The following CSMD3 variants were observed in gnomAD, a reference collection of about 807,000 sequenced individuals.
CSMD3 encodes CUB and Sushi multiple domains 3, also known as CUB and sushi domain-containing protein 3.
CSMD3 carries 177 observed loss-of-function variants against 435.2 expected under a neutral mutation model. The ratio of observed to expected loss-of-function variants is 0.41; its 90% CI spans 0.36 to 0.46. The LOEUF (loss-of-function observed/expected upper bound fraction) is 0.46. Among genes scored for constraint, CSMD3 ranks in the 20% least tolerant of loss-of-function variants. The probability of loss-of-function intolerance (pLI) is 0.34; values close to 1 mark genes in which losing one functional copy is unlikely to be tolerated. For synonymous variants in CSMD3, 1,656 were observed against 1,520.5 expected, an observed-to-expected ratio of 1.09 and a Z score of -2.07; for missense variants, 4,265 against 4,504.6, an observed-to-expected ratio of 0.95 and a Z score of 1.52.
chr8:112,522,209 C>T (rs1047678246), intron 27 of CSMD3, among the ~76,000 whole-genome samples: 1 of 151,708 alleles, frequency 6.6e-6, no homozygotes, highest in African/African-American at 2.4e-5. Context: ...ATTCTCATTA[C>T]CCCGAATGTG....
chr8:113,419,148 T>A (rs1173231617), intron 1 of CSMD3, among the ~76,000 whole-genome samples: 1 of 146,942 alleles, frequency 6.8e-6, no homozygotes, highest in East Asian at 2.0e-4. Flanking sequence ...TTTGACAGGG[T>A]CTCACTGTCG....
chr8:112,223,245 T>G lies in CSMD3; in HGVS notation c.*1526A>C, dbSNP rs868576141. The G allele has an allele frequency of 9.0e-5, 35 of 387,916 alleles. No homozygotes were observed. In the East Asian group the frequency reaches 1.2e-3, roughly 13 times the overall value. The allele number at this position is 387,916 out of a possible 1,614,324, so 24.0% of individuals were successfully genotyped here. On this transcript the variant is annotated 3_prime_UTR_variant, in exon 71 of 71. Coordinates refer to ENST00000297405, the MANE Select transcript of CSMD3 (RefSeq NM_198123.2). ...AAAATTGTATGAATTTCCAAAACAA[T>G]GTATCTCAAAGTGGTTTACAAGAAA...
intron 2 of CSMD3, among the ~76,000 whole-genome samples, chr8:113,287,184 G>A (rs180893118): frequency 2.0e-5 from 3 of 151,898 alleles, no homozygotes; most frequent in Admixed American, 6.6e-5. Flanking sequence ...TATATAATAC[G>A]ACCAGCATAA....
intron 4 of CSMD3, among the ~76,000 whole-genome samples, chr8:113,161,251 A>G (rs1025237931): frequency 1.3e-5 from 2 of 152,148 alleles, no homozygotes; most frequent in African/African-American, 4.8e-5. Flanking sequence ...AAGAAGAATT[A>G]CCATCATTGG....
chr8:113,066,061 G>A (rs1464514721), intron 5 of CSMD3, among the ~76,000 whole-genome samples: 34 of 145,182 alleles, frequency 2.3e-4, no homozygotes, highest in African/African-American at 8.1e-4. Flanking sequence ...TCTGAGAGGT[G>A]TGCACAATAA....
intron 6 of CSMD3, 32 bp from the exon 7 acceptor site, chr8:112,976,180 T>G (rs374567927): frequency 4.3e-6 from 7 of 1,610,252 alleles, no homozygotes; most frequent in Non-Finnish European, 5.9e-6. Context: ...GATGCTAACT[T>G]TTTCTTTTTA....
intron 5 of CSMD3, among the ~76,000 whole-genome samples, chr8:113,045,771 AGCACG>A (rs2131304980): frequency 6.7e-6 from 1 of 149,564 alleles, no homozygotes; most frequent in South Asian, 2.1e-4. Context: ...GTGCCTCACC[AGCACG>A]AAACTCGGCA....
intron 1 of CSMD3, among the ~76,000 whole-genome samples, chr8:113,315,508 C>A (rs943190222): frequency 2.0e-5 from 3 of 151,484 alleles, no homozygotes; most frequent in Non-Finnish European, 4.4e-5. Flanking sequence ...GTCTAAGTTA[C>A]TGAGAGCATG....
At chr8:112,738,084 G>C (rs561757237) in intron 13 of CSMD3, among the ~76,000 whole-genome samples, 1 of 151,890 alleles carries the variant, frequency 6.6e-6, no homozygotes, top group East Asian at 1.9e-4. Flanking sequence ...CCTGACGTTG[G>C]TTTATAGATT....
At chr8:112,780,617 G>A (rs554715317) in intron 13 of CSMD3, among the ~76,000 whole-genome samples, 16 of 152,026 alleles carry the variant, frequency 1.1e-4, no homozygotes, top group Admixed American at 2.6e-4. Context: ...CTCCCACATC[G>A]TCCAGCAGCA....
chr8:112,416,956 AAG>A (rs1811979345), intron 32 of CSMD3, among the ~76,000 whole-genome samples: 8 of 152,112 alleles, frequency 5.3e-5, no homozygotes, highest in Admixed American at 5.2e-4. Context: ...TTTGATATAA[AAG>A]TCTTCAAATT....
intron 9 of CSMD3, among the ~76,000 whole-genome samples, chr8:112,942,827 T>C (rs1368226034): frequency 6.6e-6 from 1 of 151,750 alleles, no homozygotes; most frequent in East Asian, 1.9e-4. Flanking sequence ...ACATACAATT[T>C]ACCTATGTAA....
chr8:112,768,776 G>C (rs537054648), intron 13 of CSMD3, among the ~76,000 whole-genome samples: 74 of 151,858 alleles, frequency 4.9e-4, no homozygotes, highest in African/African-American at 1.6e-3. Context: ...TCTTTTACAG[G>C]GTTGTCTGTG....
intron 38 of CSMD3, among the ~76,000 whole-genome samples, chr8:112,364,247 G>C (rs1435672458): frequency 6.6e-6 from 1 of 151,878 alleles, no homozygotes; most frequent in East Asian, 1.9e-4. Flanking sequence ...TACTACAAGG[G>C]ATAGAAAGAT....
intron 69 of CSMD3, among the ~76,000 whole-genome samples, chr8:112,229,492 G>A (rs1812887336): frequency 6.6e-6 from 1 of 151,836 alleles, no homozygotes; most frequent in African/African-American, 2.4e-5. Flanking sequence ...GCAGTGGAGT[G>A]GTCGTGGCTG....
chr8:113,243,408 G>T (rs1266205756), intron 3 of CSMD3, among the ~76,000 whole-genome samples: 3 of 151,834 alleles, frequency 2.0e-5, no homozygotes, highest in African/African-American at 7.3e-5. Context: ...GGTTTTCAAG[G>T]TTCGTGCATG....
intron 16 of CSMD3, among the ~76,000 whole-genome samples, chr8:112,666,816 C>T (rs568313001): frequency 6.6e-6 from 1 of 152,202 alleles, no homozygotes; most frequent in African/African-American, 2.4e-5. Flanking sequence ...TCATCTTATA[C>T]ACTAACAGTT....
chr8:113,159,564 T>C (rs1040432936), intron 4 of CSMD3, among the ~76,000 whole-genome samples: 20 of 152,016 alleles, frequency 1.3e-4, no homozygotes, highest in Non-Finnish European at 1.8e-4. Flanking sequence ...GTCAGGTTAT[T>C]ACCGTGTGAC....
intron 11 of CSMD3, among the ~76,000 whole-genome samples, chr8:112,847,229 C>A (rs2080348872): frequency 6.6e-6 from 1 of 152,028 alleles, no homozygotes; most frequent in Admixed American, 6.6e-5. Flanking sequence ...TTTCTGTTAT[C>A]TGTTCATTAT....
Sources: allele counts gnomAD v4.1 joint callset (sites outside exome capture counted in the v4.1 genomes callset), GRCh38; gene constraint gnomAD v4.1.1; transcripts MANE v1.5; gene names NCBI Gene and HGNC (gene_info 2026-07-23, HGNC 2026-07-21).